Variants in CDADC1 observed in about 807,000 individuals in gnomAD.
CDADC1 encodes dCTP deaminase.
In CDADC1, 39 loss-of-function variants were observed where a neutral mutation model predicts 54.9. The ratio of observed to expected loss-of-function variants is 0.71; its 90% CI spans 0.55 to 0.93. The LOEUF is 0.93. CDADC1 is among the 40% of genes least tolerant of loss of function. The pLI, the probability that CDADC1 is intolerant of heterozygous loss-of-function variation, is 0.00. For synonymous variants in CDADC1, 186 were observed against 204.0 expected, an observed-to-expected ratio of 0.91 and a Z score of 0.75; for missense variants, 518 against 618.8, an observed-to-expected ratio of 0.84 and a Z score of 1.73.
intron 4 of CDADC1, among the ~76,000 whole-genome samples, chr13:49,265,316 CAG>C (rs1318562935): frequency 1.3e-5 from 2 of 152,168 alleles, no homozygotes; most frequent in Admixed American, 6.5e-5. Context: ...ATGGAATTTA[CAG>C]AGTTTATAGG....
intron 8 of CDADC1, 116 bp from the exon 9 acceptor site, chr13:49,286,106 G>A: frequency 1.2e-6 from 1 of 809,780 alleles, no homozygotes; most frequent in Middle Eastern, 3.4e-4. Context: ...GACCCACTAT[G>A]CCCAGCCATT....
chr13:49,269,090 ATTTG>A, intron 5 of CDADC1, among the ~76,000 whole-genome samples: 1 of 152,172 alleles, frequency 6.6e-6, no homozygotes, highest in Non-Finnish European at 1.5e-5. Context: ...GTAGAGTAAG[ATTTG>A]TTTGGGGAGT....
intron 3 of CDADC1, among the ~76,000 whole-genome samples, 165 bp downstream of exon 3, chr13:49,256,078 T>TAAAAAAA (rs61624498): frequency 6.7e-6 from 1 of 149,962 alleles, no homozygotes. Context: ...TCCTTTTTTT[T>TAAAAAAA]AAAAAAAAAA....
At chr13:49,252,634 A>G (rs1952461430) in intron 2 of CDADC1, among the ~76,000 whole-genome samples, 1 of 152,226 alleles carries the variant, frequency 6.6e-6, no homozygotes, top group African/African-American at 2.4e-5. Context: ...TTATAGTGTT[A>G]TTTATTGTAC....
chr13:49,260,674 C>T (rs6561510), intron 4 of CDADC1, among the ~76,000 whole-genome samples: 35,048 of 152,006 alleles, frequency 0.23, 4,167 homozygotes, highest in South Asian at 0.26. Context: ...AGGTATATGC[C>T]GATCATTCTT....
intron 2 of CDADC1, among the ~76,000 whole-genome samples, chr13:49,251,947 CT>C (rs1952443455): frequency 6.6e-6 from 1 of 152,150 alleles, no homozygotes; most frequent in Non-Finnish European, 1.5e-5. Context: ...ATAAATAAGT[CT>C]TTTGTTTCAG....
chr13:49,256,398 C>G (rs1447013180), intron 3 of CDADC1, among the ~76,000 whole-genome samples: 1 of 152,246 alleles, frequency 6.6e-6, no homozygotes, highest in African/African-American at 2.4e-5. Flanking sequence ...TCCTATAACA[C>G]TACCCACCCT....
intron 5 of CDADC1, among the ~76,000 whole-genome samples, chr13:49,268,762 C>T (rs550084582): frequency 2.0e-5 from 3 of 152,092 alleles, no homozygotes; most frequent in Non-Finnish European, 2.9e-5. Context: ...AAAATCTTTA[C>T]AATAACATTA....
chr13:49,267,009 A>C (rs758336800), intron 4 of CDADC1, among the ~76,000 whole-genome samples: 34 of 152,166 alleles, frequency 2.2e-4, no homozygotes, highest in Non-Finnish European at 4.0e-4. Flanking sequence ...CCACAAATGC[A>C]TTCCTAGAGG....
intron 2 of CDADC1, among the ~76,000 whole-genome samples, chr13:49,250,406 G>A (rs937154505): frequency 6.6e-6 from 1 of 152,208 alleles, no homozygotes; most frequent in Admixed American, 6.5e-5. Context: ...GGTGGAGTGA[G>A]TACATAGTAT....
intron 9 of CDADC1, among the ~76,000 whole-genome samples, chr13:49,290,057 A>G (rs1953653883): frequency 6.6e-6 from 1 of 151,974 alleles, no homozygotes; most frequent in Non-Finnish European, 1.5e-5. Flanking sequence ...CTCAAAAAAT[A>G]TATAAATAAA....
intron 5 of CDADC1, among the ~76,000 whole-genome samples, chr13:49,271,472 ACTCAGTGGTT>A (rs1350852070): frequency 7.2e-5 from 11 of 152,050 alleles, no homozygotes; most frequent in Non-Finnish European, 1.6e-4. Flanking sequence ...TTAAAACAGA[ACTCAGTGGTT>A]CTCAGATATG....
intron 4 of CDADC1, among the ~76,000 whole-genome samples, chr13:49,264,261 A>G (rs1192070748): frequency 6.6e-6 from 1 of 152,218 alleles, no homozygotes; most frequent in African/African-American, 2.4e-5. Context: ...AACTTCGGAG[A>G]ATGAAGATAG....
intron 3 of CDADC1, 133 bp from the exon 4 acceptor site, chr13:49,259,212 AT>A: frequency 1.5e-6 from 1 of 662,238 alleles, no homozygotes; most frequent in Non-Finnish European, 2.3e-6. Flanking sequence ...CTAATGAGAA[AT>A]GTGCTTTGTA....
At chr13:49,272,720 CG>C (rs1367238733) in intron 5 of CDADC1, among the ~76,000 whole-genome samples, 1 of 145,776 alleles carries the variant, frequency 6.9e-6, no homozygotes, top group African/African-American at 2.6e-5. Context: ...TGAAGTGGTA[CG>C]ATCTCAACTC....
intron 9 of CDADC1, among the ~76,000 whole-genome samples, chr13:49,290,495 C>T (rs923864751): frequency 1.2e-4 from 18 of 152,050 alleles, no homozygotes; most frequent in African/African-American, 4.1e-4. Context: ...CCAGATCTAC[C>T]TCTGGAAGGC....
In CDADC1 at chr13:49,267,859, C is replaced by G. The variant is rs1329885318; in HGVS notation, c.800C>G (p.Pro267Arg). 1 of 1,614,006 alleles carries G rather than the reference C, an allele frequency of 6.2e-7. No homozygotes were observed. Reference sequence around the variant, plus strand: ...GGTTTGGAGAACCTGTGTGAAAATCCATACTTTAGCAATCTAAGGCAAAAC... The same window carrying G: ...GGTTTGGAGAACCTGTGTGAAAATCGATACTTTAGCAATCTAAGGCAAAAC... Reference protein sequence around the residue: ...TIGLENLCENPYFSNLRQNMK... With the variant: ...TIGLENLCENRYFSNLRQNMK... The change falls in exon 5 of 10, where the codon CCA becomes CGA. Residue 267 changes from proline to arginine, a missense_variant. Coordinates refer to ENST00000251108, the MANE Select transcript of CDADC1 (RefSeq NM_030911.4).
chr13:49,289,339 G>C (rs1393977857), intron 9 of CDADC1, among the ~76,000 whole-genome samples: 2 of 151,944 alleles, frequency 1.3e-5, no homozygotes, highest in Non-Finnish European at 2.9e-5. Flanking sequence ...CGTTGGCTAG[G>C]CTAGTCTCAA....
intron 4 of CDADC1, among the ~76,000 whole-genome samples, chr13:49,264,704 C>T (rs1952773514): frequency 6.8e-6 from 1 of 147,602 alleles, no homozygotes; most frequent in Non-Finnish European, 1.5e-5. Flanking sequence ...GCTTGGGTGA[C>T]AGACTGGTCT....
Sources: allele counts gnomAD v4.1 joint callset (sites outside exome capture counted in the v4.1 genomes callset), GRCh38; gene constraint gnomAD v4.1.1; transcripts MANE v1.5; gene names NCBI Gene and HGNC (gene_info 2026-07-23, HGNC 2026-07-21).